GPC6: variants seen among roughly 807,000 people sequenced by gnomAD.
GPC6 encodes glypican-6.
In GPC6, 14 loss-of-function variants were observed where a neutral mutation model predicts 55.2. That is an observed-to-expected ratio of 0.25 (90% CI 0.17 to 0.40). The LOEUF is 0.40. Among genes scored for constraint, GPC6 ranks in the 10% least tolerant of loss-of-function variants. The pLI, the probability that GPC6 is intolerant of heterozygous loss-of-function variation, is 1.00. For synonymous variants in GPC6, 278 were observed against 259.6 expected (o/e 1.07, Z -0.68); for missense variants, 641 against 708.5 (o/e 0.90, Z 1.08).
intron 1 of GPC6, among the ~76,000 whole-genome samples, chr13:93,354,440 TC>T (rs1237903616): frequency 7.0e-6 from 1 of 142,494 alleles, no homozygotes; most frequent in Non-Finnish European, 1.5e-5. Flanking sequence ...AAGCTCTGCC[TC>T]CCGGGTTCAC....
intron 3 of GPC6, among the ~76,000 whole-genome samples, chr13:93,926,581 G>A (rs755321283): frequency 3.4e-4 from 51 of 152,198 alleles, no homozygotes; most frequent in Non-Finnish European, 6.2e-4. Flanking sequence ...GAAGGCTGCT[G>A]TGTGACACAT....
chr13:93,404,937 T>A (rs914111598), intron 1 of GPC6, among the ~76,000 whole-genome samples: 33 of 152,186 alleles, frequency 2.2e-4, no homozygotes, highest in African/African-American at 7.5e-4. Context: ...TACTTGAAGA[T>A]GAGAATAGCA....
At chr13:93,396,435 C>G (rs543229579) in intron 1 of GPC6, among the ~76,000 whole-genome samples, 2 of 151,914 alleles carry the variant, frequency 1.3e-5, no homozygotes, top group African/African-American at 2.4e-5. Flanking sequence ...TGGTGGCGGG[C>G]GCCAGTAATC....
chr13:93,735,494 A>G (rs866087918), intron 2 of GPC6, among the ~76,000 whole-genome samples: 12 of 150,854 alleles, frequency 8.0e-5, no homozygotes, highest in Admixed American at 6.6e-5. Flanking sequence ...GCACTCCAGC[A>G]TCGGTGACAG....
Position 93,895,234 on chromosome 13 carries a change from G to GTGTGTGTGTGTACA in GPC6, c.711+64690_711+64691insGTGTGTGTGTACAT, listed in dbSNP as rs1196315147. Among the ~76,000 whole-genome samples the GTGTGTGTGTGTACA allele has an allele frequency of 2.8e-5, 3 of 108,208 alleles. 1 individual carries two copies. Among genetic ancestry groups the GTGTGTGTGTGTACA allele is most frequent in the African/African-American group, 1.1e-4 (3 of 27,092 alleles). 71.0% of individuals were successfully genotyped at this position (108,208 alleles called of 152,430 possible). On this transcript the variant is annotated intron_variant, in intron 3 of 8. Transcript: ENST00000377047. ...TGTGTGTGTATGTATGTGTGTGTGT[G>GTGTGTGTGTGTACA]TATATATATATATATATATATATAT...
Position 93,548,508 on chromosome 13 carries a change from G to T in GPC6, c.319+3087G>T, listed in dbSNP as rs1874948894. ...TTGATTCCATTTAACTTTTTATTTT[G>T]TGGCAGTGGTGACTGTTTTGAAAAT... is the stretch of plus-strand genomic sequence containing the variant. On this transcript the variant is annotated intron_variant, in intron 2 of 8. Transcript: ENST00000377047. Among the ~76,000 whole-genome samples the T allele has an allele frequency of 2.0e-5, 3 of 152,112 alleles. No homozygotes were observed. The South Asian group carries it at 6.2e-4, about 32-fold the overall frequency.
At chr13:93,931,201 GA>G (rs1315875181) in intron 3 of GPC6, among the ~76,000 whole-genome samples, 2 of 152,052 alleles carry the variant, frequency 1.3e-5, no homozygotes, top group African/African-American at 4.8e-5. Flanking sequence ...AACCATCTAT[GA>G]GGTAAAACAT....
intron 1 of GPC6, among the ~76,000 whole-genome samples, chr13:93,389,324 CG>C (rs1160247853): frequency 2.0e-5 from 3 of 150,540 alleles, no homozygotes; most frequent in Non-Finnish European, 4.4e-5. Context: ...AGTGAAACCC[CG>C]TCTCTACTAA....
chr13:94,127,475 TC>T (rs1275298004), intron 4 of GPC6, among the ~76,000 whole-genome samples: 1 of 152,074 alleles, frequency 6.6e-6, no homozygotes, highest in African/African-American at 2.4e-5. Context: ...TCCTGAGGCC[TC>T]CCCAGAGGCA....
chr13:94,158,008 A>AT (rs1446400593), intron 4 of GPC6, among the ~76,000 whole-genome samples: 1 of 152,150 alleles, frequency 6.6e-6, no homozygotes, highest in East Asian at 1.9e-4. Context: ...ATAATATGTA[A>AT]TTCTAACACC....
chr13:93,957,935 G>A (rs1413636594), intron 3 of GPC6, among the ~76,000 whole-genome samples: 2 of 152,046 alleles, frequency 1.3e-5, no homozygotes, highest in East Asian at 3.9e-4. Flanking sequence ...ATCTCATTGT[G>A]GTTTTGATTT....
chr13:94,009,906 T>C (rs1184774519), intron 3 of GPC6, among the ~76,000 whole-genome samples: 1 of 152,138 alleles, frequency 6.6e-6, no homozygotes, highest in East Asian at 1.9e-4. Context: ...ACAAAAAGCA[T>C]AGGAATTCAG....
intron 4 of GPC6, among the ~76,000 whole-genome samples, chr13:94,062,398 G>A (rs762103123): frequency 1.4e-4 from 21 of 152,010 alleles, no homozygotes; most frequent in Non-Finnish European, 2.1e-4. Context: ...CTACAGGCAT[G>A]TGCCACCATG....
intron 2 of GPC6, among the ~76,000 whole-genome samples, chr13:93,808,397 T>A (rs527549325): frequency 6.6e-6 from 1 of 152,316 alleles, no homozygotes; most frequent in South Asian, 2.1e-4. Flanking sequence ...AAAAATATCA[T>A]GTAAATTGTA....
chr13:93,575,621 C>G (rs1033331667), intron 2 of GPC6, among the ~76,000 whole-genome samples: 1 of 152,172 alleles, frequency 6.6e-6, no homozygotes, highest in Non-Finnish European at 1.5e-5. Context: ...TTTCTCATCT[C>G]TATCATTTCC....
intron 2 of GPC6, among the ~76,000 whole-genome samples, chr13:93,781,393 T>C (rs1348200801): frequency 6.6e-6 from 1 of 152,216 alleles, no homozygotes; most frequent in African/African-American, 2.4e-5. Flanking sequence ...ATTATTTCTA[T>C]TTTGTAAATG....
chr13:94,297,564 GA>G (rs1053918676), intron 5 of GPC6, among the ~76,000 whole-genome samples: 2 of 152,120 alleles, frequency 1.3e-5, no homozygotes, highest in African/African-American at 4.8e-5. Context: ...ATCCTTCAGG[GA>G]AAAATATCTT....
chr13:93,488,724 T>C (rs1386740137), intron 1 of GPC6, among the ~76,000 whole-genome samples: 1 of 152,218 alleles, frequency 6.6e-6, no homozygotes, highest in African/African-American at 2.4e-5. Flanking sequence ...TGGCCAGTGA[T>C]GATGAGCATT....
intron 1 of GPC6, among the ~76,000 whole-genome samples, chr13:93,335,585 G>A (rs574483976): frequency 6.6e-6 from 1 of 152,216 alleles, no homozygotes; most frequent in East Asian, 1.9e-4. Context: ...AAAGATTGGG[G>A]GACTGTAGGC....
Sources: allele counts gnomAD v4.1 joint callset (sites outside exome capture counted in the v4.1 genomes callset), GRCh38; gene constraint gnomAD v4.1.1; transcripts MANE v1.5; gene names NCBI Gene and HGNC (gene_info 2026-07-23, HGNC 2026-07-21).